The following RNF13 variants were observed in gnomAD, a reference collection of about 807,000 sequenced individuals.
RNF13 encodes the protein ring finger protein 13.
RNF13 carries 19 observed loss-of-function variants against 37.7 expected under a neutral mutation model. The ratio of observed to expected loss-of-function variants is 0.50; its 90% CI spans 0.35 to 0.74. The LOEUF (loss-of-function observed/expected upper bound fraction) is 0.74. RNF13 is among the 30% of genes least tolerant of loss of function. The pLI, the probability that RNF13 is intolerant of heterozygous loss-of-function variation, is 0.01. For missense variants in RNF13, 375 were observed against 453.0 expected, an observed-to-expected ratio of 0.83 and a Z score of 1.56; for synonymous variants, 144 against 157.8, an observed-to-expected ratio of 0.91 and a Z score of 0.65.
At chr3:149,931,476 G>C (rs1191445587) in intron 8 of RNF13, among the ~76,000 whole-genome samples, 2 of 151,964 alleles carry the variant, frequency 1.3e-5, no homozygotes, top group Non-Finnish European at 2.9e-5. Context: ...TTAGATTATT[G>C]ATTTTAGCTC....
In RNF13 at chr3:149,857,445, G is replaced by T. The variant is rs949874153; in HGVS notation, c.195+4849G>T. On this transcript the variant is annotated intron_variant, in intron 3 of 9. Transcript: ENST00000392894. ...AGAAAGATTTTATTTTTGTATCTAG[G>T]TAAGTCCTGTGTTTGTAGTTTTATA... is the stretch of plus-strand genomic sequence containing the variant. Among the ~76,000 whole-genome samples the T allele has an allele frequency of 2.0e-5, 3 of 152,272 alleles. No individual in the cohort carries two copies. The East Asian group carries it at 5.8e-4, about 29-fold the overall frequency.
chr3:149,896,488 T>A (rs1024143068), intron 5 of RNF13, among the ~76,000 whole-genome samples: 1 of 151,972 alleles, frequency 6.6e-6, no homozygotes, highest in African/African-American at 2.4e-5. Flanking sequence ...TCTTTATTTT[T>A]TTTTTTTTGA....
At chr3:149,837,451 A>G (rs1721735477) in intron 1 of RNF13, among the ~76,000 whole-genome samples, 1 of 152,168 alleles carries the variant, frequency 6.6e-6, no homozygotes, top group Non-Finnish European at 1.5e-5. Context: ...ACTGCTGATA[A>G]AGACACCTGA....
chr3:149,858,740 A>G (rs902300704), intron 3 of RNF13, among the ~76,000 whole-genome samples: 1 of 152,212 alleles, frequency 6.6e-6, no homozygotes, highest in Non-Finnish European at 1.5e-5. Flanking sequence ...CAAAGTTGCA[A>G]ATAAGCAGTT....
intron 1 of RNF13, among the ~76,000 whole-genome samples, chr3:149,838,058 G>A (rs979498199): frequency 3.3e-5 from 5 of 152,078 alleles, no homozygotes; most frequent in Middle Eastern, 3.2e-3. Flanking sequence ...AAAATCCAGC[G>A]GGGCAGTCAA....
intron 8 of RNF13, among the ~76,000 whole-genome samples, chr3:149,947,690 G>A (rs567984456): frequency 5.3e-5 from 8 of 152,078 alleles, no homozygotes; most frequent in African/African-American, 1.4e-4. Flanking sequence ...GTGAGCCACC[G>A]CACCTGGCCA....
At chr3:149,892,547 G>C (rs1297366235) in intron 4 of RNF13, among the ~76,000 whole-genome samples, 1 of 152,184 alleles carries the variant, frequency 6.6e-6, no homozygotes, top group African/African-American at 2.4e-5. Context: ...TCCCGTACCT[G>C]TTAGGAAATG....
At chr3:149,813,119 T>C (rs1161011516), upstream of RNF13, 1 of 152,076 alleles carries the variant, frequency 6.6e-6, no homozygotes, top group African/African-American at 2.4e-5. Flanking sequence ...CGCGTGAGAG[T>C]GGGAAAGAGC....
chr3:149,959,540 C>CT (rs933295312), intron 8 of RNF13, among the ~76,000 whole-genome samples: 1 of 152,162 alleles, frequency 6.6e-6, no homozygotes, highest in African/African-American at 2.4e-5. Context: ...GTAAGTTAAT[C>CT]TTTTTACTGA....
In RNF13 at chr3:149,903,896, A is replaced by G. The variant is rs553338297; in HGVS notation, c.500+1734A>G. 3.3e-5 allele frequency among the ~76,000 whole-genome samples: 5 copies of G among 152,210 alleles called. No homozygotes were observed. In the South Asian group the frequency reaches 1.0e-3, roughly 32 times the overall value. On this transcript the variant is annotated intron_variant, in intron 6 of 9. Transcript: ENST00000392894. Reference sequence around the variant, plus strand: ...TGGTCATAAGGAATTGTAGACCCGTACATAAAGATCTACTCTATCTATCTA... The same window carrying G: ...TGGTCATAAGGAATTGTAGACCCGTGCATAAAGATCTACTCTATCTATCTA...
At position 149,836,782 on chromosome 3, in the gene RNF13, A is replaced by G. The variant is rs180927524; in HGVS notation, c.-16-9229A>G. Among the ~76,000 whole-genome samples, 173 of 152,328 alleles carry G rather than the reference A, an allele frequency of 1.1e-3. 2 individuals carry two copies. The East Asian group carries it at 0.016, about 14-fold the overall frequency. ...ATTGAGAGATGAATGGATCAGTAAC[A>G]TGGGGTATGTACATATAATGGAATA... On this transcript the variant is annotated intron_variant, in intron 1 of 9. Coordinates refer to ENST00000392894, the MANE Select transcript of RNF13 (RefSeq NM_183381.3).
intron 8 of RNF13, among the ~76,000 whole-genome samples, chr3:149,941,211 T>C (rs531233066): frequency 5.3e-5 from 8 of 152,200 alleles, no homozygotes; most frequent in Non-Finnish European, 1.2e-4. Flanking sequence ...TCTGGATATA[T>C]ATCCAGAAGT....
At chr3:149,895,602 T>A in intron 5 of RNF13, 42 bp downstream of exon 5, 1 of 1,275,626 alleles carries the variant, frequency 7.8e-7, no homozygotes, top group Non-Finnish European at 1.1e-6. Flanking sequence ...GTTTGACAGA[T>A]CATTTGTAAC....
intron 3 of RNF13, among the ~76,000 whole-genome samples, chr3:149,866,403 A>G (rs1724823770): frequency 6.6e-6 from 1 of 152,214 alleles, no homozygotes; most frequent in Non-Finnish European, 1.5e-5. Flanking sequence ...GTAAAGTGTC[A>G]TGGCGCTGGT....
intron 5 of RNF13, among the ~76,000 whole-genome samples, chr3:149,896,714 G>A (rs565445959): frequency 6.6e-6 from 1 of 152,094 alleles, no homozygotes; most frequent in Non-Finnish European, 1.5e-5. Flanking sequence ...CCCGACCTCA[G>A]GTGATCCGCC....
chr3:149,879,930 A>G lies in RNF13; in HGVS notation c.321+7776A>G, dbSNP rs534577532. ...AGCCTGATCCTAACCTAAAAAACCCATGGATATGTCTTTTCTAATTTCAGA... is the reference window on the plus strand; with the variant it reads ...AGCCTGATCCTAACCTAAAAAACCCGTGGATATGTCTTTTCTAATTTCAGA... On this transcript the variant is annotated intron_variant, in intron 4 of 9. Transcript: ENST00000392894. Among the ~76,000 whole-genome samples, 176 of 152,314 alleles carry G rather than the reference A, an allele frequency of 1.2e-3. 1 individual carries two copies. The highest frequency in any genetic ancestry group is 2.2e-3 in the Non-Finnish European group (151 of 68,022).
rs1722434315 is a variant in RNF13, at chr3:149,961,586, C to T, written c.*482C>T. On this transcript the variant is annotated 3_prime_UTR_variant, in exon 10 of 10. Coordinates refer to ENST00000392894, the MANE Select transcript of RNF13 (RefSeq NM_183381.3). ...GCAACAAGGTAATTCAGCCTTTCCTCCTATCAGCACAAAGAAACTCAAAGC... is the reference window on the plus strand; with the variant it reads ...GCAACAAGGTAATTCAGCCTTTCCTTCTATCAGCACAAAGAAACTCAAAGC... 3.3e-6 allele frequency: 1 copy of T among 300,006 alleles called. No homozygotes were observed. The highest frequency in any genetic ancestry group is 4.8e-5 in the Admixed American group (1 of 20,988). The allele number at this position is 300,006 out of a possible 1,614,324, so 18.6% of individuals were successfully genotyped here. A position where few individuals can be genotyped will look rare whatever the true frequency, so the allele number is the denominator to read the frequency against.
intron 6 of RNF13, among the ~76,000 whole-genome samples, chr3:149,907,016 T>A (rs186891340): frequency 3.3e-5 from 5 of 152,204 alleles, no homozygotes; most frequent in African/African-American, 1.2e-4. Context: ...TAAACATTTC[T>A]TGTTAAATTT....
chr3:149,886,844 T>C (rs184054936), intron 4 of RNF13, among the ~76,000 whole-genome samples: 1 of 152,358 alleles, frequency 6.6e-6, no homozygotes, highest in East Asian at 1.9e-4. Context: ...AGTATCCAAA[T>C]AAGTTTTGAT....
Sources: gnomAD v4.1 joint callset for allele counts (sites outside exome capture counted in the v4.1 genomes callset) on GRCh38, gnomAD v4.1.1 for gene constraint, MANE v1.5 for transcripts, NCBI Gene and HGNC (gene_info 2026-07-23, HGNC 2026-07-21) for gene names.